Variants in NUP160 observed in about 807,000 individuals in gnomAD.
NUP160 encodes the protein nucleoporin 160.
In NUP160, 94 loss-of-function variants were observed where a neutral mutation model predicts 196.9. The ratio of observed to expected loss-of-function variants is 0.48; its 90% confidence interval spans 0.40 to 0.57. The LOEUF is 0.57. NUP160 is among the 20% of genes least tolerant of loss of function. NUP160 has a pLI of 0.00. For missense variants in NUP160, 1,638 were observed against 1,748.3 expected (o/e 0.94, Z 1.13); for synonymous variants, 605 against 619.7 (o/e 0.98, Z 0.35).
intron 4 of NUP160, among the ~76,000 whole-genome samples, chr11:47,838,256 G>A (rs1208873778): frequency 6.6e-6 from 1 of 152,232 alleles, no homozygotes; most frequent in Non-Finnish European, 1.5e-5. Flanking sequence ...TGTTGAAGTA[G>A]GGGTGTTCCT....
intron 13 of NUP160, 56 bp downstream of exon 13, chr11:47,815,423 T>A: frequency 7.2e-7 from 1 of 1,380,828 alleles, no homozygotes; most frequent in Non-Finnish European, 9.6e-7. Flanking sequence ...GGCATTTTGT[T>A]ATAACAGCCA....
chr11:47,785,685 T>A (rs566280354), intron 32 of NUP160, among the ~76,000 whole-genome samples: 1 of 152,348 alleles, frequency 6.6e-6, no homozygotes, highest in South Asian at 2.1e-4. Flanking sequence ...AGAAACTGGT[T>A]CAGAACACTG....
At chr11:47,799,585 GC>G (rs1212246569) in intron 23 of NUP160, among the ~76,000 whole-genome samples, 29 of 151,996 alleles carry the variant, frequency 1.9e-4, no homozygotes, top group African/African-American at 6.3e-4. Context: ...CTGCTCTGTT[GC>G]CCAGGCTGGA....
intron 7 of NUP160, among the ~76,000 whole-genome samples, chr11:47,828,422 G>T (rs1232968133): frequency 1.3e-5 from 2 of 152,096 alleles, no homozygotes; most frequent in Non-Finnish European, 2.9e-5. Flanking sequence ...AGAAGAAATT[G>T]AACAAAAGTA....
intron 30 of NUP160, 62 bp downstream of exon 30, chr11:47,788,439 C>G (rs1012458055): frequency 1.3e-6 from 2 of 1,546,210 alleles, no homozygotes; most frequent in East Asian, 2.2e-5. Flanking sequence ...CATACACTGC[C>G]TGGACCTAAA....
chr11:47,831,541 T>C (rs1852072012), intron 7 of NUP160, among the ~76,000 whole-genome samples: 1 of 151,800 alleles, frequency 6.6e-6, no homozygotes, highest in African/African-American at 2.4e-5. Context: ...GTGAGAAAAT[T>C]ATGACAATGA....
At chr11:47,823,536 CT>C (rs1343946998) in intron 7 of NUP160, among the ~76,000 whole-genome samples, 1 of 151,804 alleles carries the variant, frequency 6.6e-6, no homozygotes, top group Non-Finnish European at 1.5e-5. Context: ...CATTTCCTTC[CT>C]TTTTTCTTTT....
intron 17 of NUP160, among the ~76,000 whole-genome samples, chr11:47,810,123 G>C (rs944963546): frequency 2.6e-5 from 4 of 151,866 alleles, no homozygotes; most frequent in Non-Finnish European, 5.9e-5. Flanking sequence ...CTTAGTAAAG[G>C]CTAACCAACC....
At chr11:47,821,555 G>T in intron 9 of NUP160, 169 bp downstream of exon 9, 2 of 552,734 alleles carry the variant, frequency 3.6e-6, no homozygotes, top group Non-Finnish European at 6.4e-6. Context: ...GTAGAGACGG[G>T]GTTTCTGTTG....
chr11:47,838,435 C>T (rs1438073448), intron 4 of NUP160, among the ~76,000 whole-genome samples: 1 of 152,144 alleles, frequency 6.6e-6, no homozygotes, highest in Non-Finnish European at 1.5e-5. Context: ...TGGCCAGGTG[C>T]CGTGGCTCAC....
intron 23 of NUP160, among the ~76,000 whole-genome samples, chr11:47,798,988 G>A (rs1338820493): frequency 7.0e-6 from 1 of 143,312 alleles, no homozygotes; most frequent in African/African-American, 2.6e-5. Flanking sequence ...GAATAAATAC[G>A]ATTTCACTAC....
chr11:47,788,386 T>A lies in NUP160; in HGVS notation c.3623-81A>T. The A allele has an allele frequency of 3.2e-6, 5 of 1,580,860 alleles. No homozygotes were observed. The Admixed American group carries it at 6.8e-5, about 21-fold the overall frequency. ...AAAGATTTTGTTTTGTTGATGAGTA[T>A]CTCTGAGTAATAACCCAGGCTTTAT... On this transcript the variant is annotated intron_variant, in intron 30 of 35. Coordinates refer to ENST00000378460, the Ensembl canonical transcript of NUP160.
At chr11:47,846,882 C>T (rs536849946) in intron 2 of NUP160, among the ~76,000 whole-genome samples, 3 of 152,238 alleles carry the variant, frequency 2.0e-5, no homozygotes, top group East Asian at 1.9e-4. Context: ...ACACAGTATC[C>T]GATAGGTTTT....
At chr11:47,781,406 G>A (rs2097660758) in intron 34 of NUP160, among the ~76,000 whole-genome samples, 1 of 151,724 alleles carries the variant, frequency 6.6e-6, no homozygotes. Flanking sequence ...GGGACTATAG[G>A]CACGCACCAC....
chr11:47,805,088 G>A (rs1193227402), intron 20 of NUP160, among the ~76,000 whole-genome samples: 1 of 151,966 alleles, frequency 6.6e-6, no homozygotes, highest in Non-Finnish European at 1.5e-5. Flanking sequence ...ACATAACATG[G>A]TACCTGGCAT....
chr11:47,803,853 T>A (rs1210874821), intron 21 of NUP160, among the ~76,000 whole-genome samples: 1 of 152,132 alleles, frequency 6.6e-6, no homozygotes, highest in Non-Finnish European at 1.5e-5. Context: ...TACATTTGAA[T>A]TACTATGAAG....
rs2097684698 is a variant in NUP160 at position 47,816,747 on chromosome 11, G to T, written c.1432-718C>A. Among the ~76,000 whole-genome samples the T allele has an allele frequency of 3.3e-5, 5 of 150,126 alleles. No homozygotes were observed. In the Admixed American group the frequency reaches 3.3e-4, roughly 10 times the overall value. The stretch of plus-strand genomic sequence containing the variant: ...GCCAAGATCGTGCCACCGCACTCCA[G>T]CCTGGGCAACAGAGCGAGACCCTGC... On this transcript the variant is annotated intron_variant, in intron 11 of 35. Coordinates refer to ENST00000378460, the Ensembl canonical transcript of NUP160.
chr11:47,792,439 CGACTT>C (rs1424868884), intron 28 of NUP160: 2 of 230,788 alleles, frequency 8.7e-6, no homozygotes, highest in Non-Finnish European at 8.4e-6. Flanking sequence ...TCTAAGCAAT[CGACTT>C]GAATTATCTC....
intron 7 of NUP160, among the ~76,000 whole-genome samples, chr11:47,826,528 G>A (rs565326875): frequency 6.6e-6 from 1 of 151,322 alleles, no homozygotes; most frequent in East Asian, 1.9e-4. Flanking sequence ...AGAGGTCCCT[G>A]AGACCATTTC....
Sources: allele counts gnomAD v4.1 joint callset (sites outside exome capture counted in the v4.1 genomes callset), GRCh38; gene constraint gnomAD v4.1.1; transcripts MANE v1.5; gene names NCBI Gene and HGNC (gene_info 2026-07-23, HGNC 2026-07-21).